ANKRD44: variants seen among roughly 807,000 people sequenced by gnomAD.
The protein encoded by ANKRD44 is serine/threonine-protein phosphatase 6 regulatory ankyrin repeat subunit B.
In ANKRD44, 35 loss-of-function variants were observed where a neutral mutation model predicts 116.0. That is an observed-to-expected ratio of 0.30 (90% CI 0.23 to 0.40). ANKRD44 has a LOEUF of 0.40. Among genes scored for constraint, ANKRD44 ranks in the 10% least tolerant of loss-of-function variants. The pLI, the probability that ANKRD44 is intolerant of heterozygous loss-of-function variation, is 1.00. For synonymous variants in ANKRD44, 435 were observed against 461.8 expected, an observed-to-expected ratio of 0.94 and a Z score of 0.74; for missense variants, 1,014 against 1,242.6, an observed-to-expected ratio of 0.82 and a Z score of 2.77.
intron 4 of ANKRD44, 90 bp from the exon 5 acceptor site, chr2:197,126,127 T>A: frequency 7.2e-7 from 1 of 1,380,754 alleles, no homozygotes; most frequent in Non-Finnish European, 1.0e-6. Flanking sequence ...CCTGGAACTA[T>A]GGAGAGAAAG....
At chr2:197,098,838 C>G (rs557426983) in intron 10 of ANKRD44, among the ~76,000 whole-genome samples, 20 of 152,246 alleles carry the variant, frequency 1.3e-4, no homozygotes, top group Non-Finnish European at 1.9e-4. Flanking sequence ...AGGCAAGGGG[C>G]TCAAAGTCAC....
At chr2:196,997,452 C>CTT (rs35812345) in intron 25 of ANKRD44, among the ~76,000 whole-genome samples, 15,928 of 135,918 alleles carry the variant, frequency 0.12, 1,572 homozygotes, top group African/African-American at 0.26. Context: ...TATAATTTAT[C>CTT]TTTTTTTTTT....
intron 3 of ANKRD44, among the ~76,000 whole-genome samples, chr2:197,137,671 C>T (rs1357697957): frequency 6.6e-6 from 1 of 152,144 alleles, no homozygotes; most frequent in Non-Finnish European, 1.5e-5. Flanking sequence ...AAAACAAGAA[C>T]ATAATCCCTA....
chr2:196,990,786 C>T (rs938834411), intron 27 of ANKRD44: 5 of 1,232,208 alleles, frequency 4.1e-6, no homozygotes, highest in Admixed American at 8.4e-5. Context: ...GGTCGTCCTG[C>T]TCAAATTGTC....
intron 27 of ANKRD44, chr2:196,989,942 G>T: frequency 9.3e-7 from 1 of 1,071,682 alleles, no homozygotes; most frequent in Non-Finnish European, 1.1e-6. Flanking sequence ...TCAAAGTTTT[G>T]GTGCAATATA....
intron 27 of ANKRD44, among the ~76,000 whole-genome samples, chr2:196,992,046 C>G (rs1238367782): frequency 6.6e-6 from 1 of 152,186 alleles, no homozygotes; most frequent in Non-Finnish European, 1.5e-5. Context: ...TGTCTTAACT[C>G]ATAATATAGG....
At chr2:197,023,727 G>A (rs1453489728) in intron 17 of ANKRD44, among the ~76,000 whole-genome samples, 2 of 152,206 alleles carry the variant, frequency 1.3e-5, no homozygotes, top group Non-Finnish European at 2.9e-5. Context: ...TCTAGGGGCA[G>A]TTAGTGCTAT....
intron 1 of ANKRD44, among the ~76,000 whole-genome samples, chr2:197,205,449 A>G (rs530118005): frequency 1.3e-5 from 2 of 152,220 alleles, no homozygotes; most frequent in South Asian, 4.1e-4. Flanking sequence ...CAACCTGGTG[A>G]GTTGCGAAGT....
intron 13 of ANKRD44, among the ~76,000 whole-genome samples, 157 bp downstream of exon 13, chr2:197,086,523 G>A (rs747414909): frequency 7.9e-5 from 12 of 152,044 alleles, no homozygotes; most frequent in Non-Finnish European, 1.6e-4. Flanking sequence ...TATTTGCTTT[G>A]TTGGCAACCT....
intron 2 of ANKRD44, among the ~76,000 whole-genome samples, chr2:197,181,995 G>A (rs1003899881): frequency 3.2e-4 from 48 of 152,114 alleles, no homozygotes; most frequent in Admixed American, 2.0e-4. Context: ...ACTGACAGGC[G>A]TCACTTTGTC....
At chr2:197,101,896 T>C (rs1367965273) in intron 9 of ANKRD44, among the ~76,000 whole-genome samples, 1 of 152,212 alleles carries the variant, frequency 6.6e-6, no homozygotes, top group Non-Finnish European at 1.5e-5. Flanking sequence ...GGGTTTTATT[T>C]TATTTTAATA....
At position 197,121,349 on chromosome 2, in the gene ANKRD44, C is replaced by T; in HGVS notation, c.889G>A (p.Ala297Thr). 1 of 1,614,128 alleles carries T rather than the reference C, an allele frequency of 6.2e-7. No individual in the cohort carries two copies. Among genetic ancestry groups the T allele is most frequent in the Non-Finnish European group, 8.5e-7 (1 of 1,179,986 alleles). The change falls in exon 8 of 28, where the codon GCA becomes ACA. Residue 297 changes from alanine to threonine, a missense_variant. Coordinates refer to ENST00000282272, the MANE Select transcript of ANKRD44 (RefSeq NM_001195144.2). The stretch of plus-strand genomic sequence containing the variant: ...TGTCATACCTGAATGTTAACATCTG[C>T]CCCGTTGTTTACTAACAATTCAAGA... ...LCLELLVNNGADVNIQSKDGK... is the reference protein window; with the variant it reads ...LCLELLVNNGTDVNIQSKDGK...
chr2:197,121,649 C>T (rs1407066518), intron 7 of ANKRD44, 105 bp from the exon 8 acceptor site: 15 of 942,642 alleles, frequency 1.6e-5, no homozygotes, highest in South Asian at 3.0e-5. Context: ...AATAGCCATC[C>T]GCCAATATAA....
At chr2:197,142,359 T>C (rs564359397) in intron 3 of ANKRD44, among the ~76,000 whole-genome samples, 11 of 152,318 alleles carry the variant, frequency 7.2e-5, no homozygotes, top group African/African-American at 2.6e-4. Flanking sequence ...AAGCTTAACT[T>C]ATCTAAAGTT....
At chr2:197,050,015 C>T (rs1012680872) in intron 16 of ANKRD44, among the ~76,000 whole-genome samples, 6 of 152,104 alleles carry the variant, frequency 3.9e-5, no homozygotes, top group Admixed American at 2.6e-4. Flanking sequence ...TTAACTGGCT[C>T]GAAGTTCCAC....
intron 10 of ANKRD44, among the ~76,000 whole-genome samples, chr2:197,094,487 G>A (rs1165322721): frequency 1.3e-5 from 2 of 152,226 alleles, no homozygotes; most frequent in African/African-American, 2.4e-5. Context: ...CAGTACATGA[G>A]TTTTGAAGTT....
intron 9 of ANKRD44, among the ~76,000 whole-genome samples, chr2:197,108,862 C>CAAAAAAA (rs1436259647): frequency 3.5e-4 from 52 of 147,142 alleles, no homozygotes; most frequent in African/African-American, 1.3e-3. Flanking sequence ...ACAACAACAA[C>CAAAAAAA]AACAACAACA....
chr2:197,157,675 CAAAAAAAAAAAA>C (rs35588359), intron 2 of ANKRD44, among the ~76,000 whole-genome samples: 39 of 83,088 alleles, frequency 4.7e-4, no homozygotes, highest in African/African-American at 1.8e-3. Flanking sequence ...GAGACTCTGT[CAAAAAAAAAAAA>C]AAAAAAAAAA....
chr2:197,057,409 TG>T (rs1488101338), intron 16 of ANKRD44, among the ~76,000 whole-genome samples: 1 of 152,218 alleles, frequency 6.6e-6, no homozygotes, highest in East Asian at 1.9e-4. Flanking sequence ...TACTTTTTCA[TG>T]GAAGTTTTCA....
Sources: allele counts gnomAD v4.1 joint callset (sites outside exome capture counted in the v4.1 genomes callset), GRCh38; gene constraint gnomAD v4.1.1; transcripts MANE v1.5; gene names NCBI Gene and HGNC (gene_info 2026-07-23, HGNC 2026-07-21).